Variants in CDH13 observed in about 807,000 individuals in gnomAD.
CDH13 encodes cadherin 13, also known as cadherin-13.
Under a neutral mutation model 63.8 loss-of-function variants are expected in CDH13, and 24 were observed. The observed-to-expected ratio is 0.38, with a 90% CI of 0.27 to 0.53. The LOEUF (loss-of-function observed/expected upper bound fraction) is 0.53. Among genes scored for constraint, CDH13 ranks in the 20% least tolerant of loss-of-function variants. CDH13 has a pLI of 0.85. For missense variants in CDH13, 1,049 were observed against 903.1 expected (o/e 1.16, Z -2.07); for synonymous variants, 503 against 355.3 (o/e 1.42, Z -4.67).
At chr16:83,075,792 G>A (rs922381276) in intron 3 of CDH13, among the ~76,000 whole-genome samples, 5 of 152,202 alleles carry the variant, frequency 3.3e-5, no homozygotes, top group African/African-American at 7.2e-5. Context: ...TTCTGGTGAA[G>A]CTTATGGATT....
At chr16:82,924,490 G>A (rs1043804895) in intron 2 of CDH13, among the ~76,000 whole-genome samples, 1 of 152,090 alleles carries the variant, frequency 6.6e-6, no homozygotes, top group Non-Finnish European at 1.5e-5. Context: ...TCTCAGCTGC[G>A]GTGCATTTGT....
At chr16:83,708,728 AT>A (rs2150920436) in intron 10 of CDH13, among the ~76,000 whole-genome samples, 1 of 152,362 alleles carries the variant, frequency 6.6e-6, no homozygotes, top group South Asian at 2.1e-4. Flanking sequence ...AAAAGTCCTT[AT>A]AAGAAGGAGG....
intron 8 of CDH13, among the ~76,000 whole-genome samples, chr16:83,663,123 C>T (rs1897684708): frequency 6.6e-6 from 1 of 152,160 alleles, no homozygotes; most frequent in Admixed American, 6.6e-5. Flanking sequence ...TCAAATTTAT[C>T]AAAGAAATAA....
At chr16:83,492,108 C>T (rs1243119229) in intron 7 of CDH13, among the ~76,000 whole-genome samples, 1 of 152,024 alleles carries the variant, frequency 6.6e-6, no homozygotes. Context: ...CAAAATGACC[C>T]ATGTTAAAAT....
chr16:83,339,071 C>G (rs916981078), intron 5 of CDH13, among the ~76,000 whole-genome samples: 1 of 152,076 alleles, frequency 6.6e-6, no homozygotes, highest in Non-Finnish European at 1.5e-5. Context: ...CACAGTAGCC[C>G]TGGTGAGAAG....
In CDH13 at chr16:83,625,506, C is replaced by T. The variant is rs539978263; in HGVS notation, c.1101+22912C>T. On this transcript the variant is annotated intron_variant, in intron 8 of 13. Transcript: ENST00000567109. ...GCGTGCTGAGAGCCGAGCCTGTTAC[C>T]TGCTTTCCCCATGACAGGGCTGTCT... is the stretch of plus-strand genomic sequence containing the variant. 3.3e-5 allele frequency among the ~76,000 whole-genome samples: 5 copies of T among 152,326 alleles called. No individual in the cohort carries two copies. In the South Asian group the frequency reaches 1.0e-3, roughly 32 times the overall value.
chr16:83,101,688 G>A (rs1178484134), intron 3 of CDH13, among the ~76,000 whole-genome samples: 2 of 152,200 alleles, frequency 1.3e-5, no homozygotes, highest in Non-Finnish European at 1.5e-5. Context: ...CAGCTACTGA[G>A]GAGGCTGAGG....
At chr16:82,799,527 T>C (rs2036749668) in intron 1 of CDH13, among the ~76,000 whole-genome samples, 1 of 152,228 alleles carries the variant, frequency 6.6e-6, no homozygotes, top group African/African-American at 2.4e-5. Context: ...GTTTAGTCTT[T>C]TTTGCAACAT....
At chr16:82,819,368 C>T (rs936319484) in intron 1 of CDH13, among the ~76,000 whole-genome samples, 1 of 152,172 alleles carries the variant, frequency 6.6e-6, no homozygotes, top group African/African-American at 2.4e-5. Context: ...TGCTGATTCT[C>T]AAATTAACAA....
intron 6 of CDH13, among the ~76,000 whole-genome samples, chr16:83,363,970 G>A (rs961798694): frequency 1.3e-5 from 2 of 152,092 alleles, no homozygotes; most frequent in African/African-American, 4.8e-5. Flanking sequence ...TTTGGGATAG[G>A]AGCCATGACA....
At chr16:83,021,424 C>G (rs778417572) in intron 2 of CDH13, among the ~76,000 whole-genome samples, 1 of 152,162 alleles carries the variant, frequency 6.6e-6, no homozygotes, top group Admixed American at 6.5e-5. Context: ...GAATCCACGG[C>G]AAGAGGAGAA....
chr16:83,483,085 G>A (rs557338361), intron 6 of CDH13, among the ~76,000 whole-genome samples: 1 of 152,208 alleles, frequency 6.6e-6, no homozygotes, highest in East Asian at 1.9e-4. Flanking sequence ...CAGGGAAACC[G>A]AGGCTCAGAG....
rs376912087 is a variant in CDH13, at chr16:82,763,408, G to A, written c.46-94954G>A. ...TGAATACAGGCTCTCTGCTTGTCTT[G>A]GTCTCTGTTTAATTCCTAATCCTGG... On this transcript the variant is annotated intron_variant, in intron 1 of 13. Transcript: ENST00000567109. 1.2e-4 allele frequency among the ~76,000 whole-genome samples: 19 copies of A among 152,114 alleles called. No individual in the cohort carries two copies. In the East Asian group the frequency reaches 3.5e-3, roughly 28 times the overall value.
At chr16:83,169,314 C>G (rs2037821652) in intron 4 of CDH13, among the ~76,000 whole-genome samples, 1 of 151,854 alleles carries the variant, frequency 6.6e-6, no homozygotes, top group African/African-American at 2.4e-5. Flanking sequence ...GTAGCTGGGA[C>G]TACAGGCGCC....
chr16:83,336,241 C>T (rs2090593503), intron 5 of CDH13, among the ~76,000 whole-genome samples: 1 of 144,216 alleles, frequency 6.9e-6, no homozygotes, highest in Non-Finnish European at 1.5e-5. Flanking sequence ...GCAGAGATTG[C>T]AGTGAACCAA....
At chr16:83,608,793 C>T (rs964499483) in intron 8 of CDH13, among the ~76,000 whole-genome samples, 5 of 151,862 alleles carry the variant, frequency 3.3e-5, no homozygotes, top group East Asian at 3.9e-4. Flanking sequence ...AAGGCATGAG[C>T]CACTGTGCCC....
intron 4 of CDH13, among the ~76,000 whole-genome samples, chr16:83,209,619 T>C (rs2039281866): frequency 6.6e-6 from 1 of 152,202 alleles, no homozygotes; most frequent in Non-Finnish European, 1.5e-5. Context: ...AATAAAGTTG[T>C]ACTTCTTCAC....
intron 5 of CDH13, among the ~76,000 whole-genome samples, chr16:83,309,030 T>G (rs2089941910): frequency 3.3e-5 from 5 of 152,188 alleles, no homozygotes; most frequent in Admixed American, 3.3e-4. Context: ...CCTTGTCACC[T>G]TGTTATGCCT....
At chr16:83,309,095 A>G (rs2089943537) in intron 5 of CDH13, among the ~76,000 whole-genome samples, 1 of 151,554 alleles carries the variant, frequency 6.6e-6, no homozygotes, top group African/African-American at 2.4e-5. Flanking sequence ...CCATATCGTA[A>G]CTCTGTTTTA....
Sources: gnomAD v4.1 joint callset for allele counts (sites outside exome capture counted in the v4.1 genomes callset) on GRCh38, gnomAD v4.1.1 for gene constraint, MANE v1.5 for transcripts, NCBI Gene and HGNC (gene_info 2026-07-23, HGNC 2026-07-21) for gene names.